Variants in PTPRN2 observed in about 807,000 individuals in gnomAD.
PTPRN2 encodes protein tyrosine phosphatase receptor type N2, also known as receptor-type tyrosine-protein phosphatase N2.
A neutral mutation model predicts 118.8 loss-of-function variants in PTPRN2; 74 were observed. The ratio of observed to expected loss-of-function variants is 0.62; its 90% CI spans 0.52 to 0.76. The LOEUF is 0.76. Ranked by LOEUF, PTPRN2 falls within the 30% of genes least tolerant of loss-of-function variation. The pLI, the probability that PTPRN2 is intolerant of heterozygous loss-of-function variation, is 0.00. For missense variants in PTPRN2, 1,481 were observed against 1,394.4 expected, an observed-to-expected ratio of 1.06 and a Z score of -0.99; for synonymous variants, 641 against 608.0, an observed-to-expected ratio of 1.05 and a Z score of -0.80.
chr7:157,595,550 A>G (rs1801266235), intron 16 of PTPRN2, among the ~76,000 whole-genome samples: 1 of 114,392 alleles, frequency 8.7e-6, no homozygotes, highest in Non-Finnish European at 1.8e-5. Flanking sequence ...CCAGGAGGTT[A>G]GGAAGCCTGG....
intron 22 of PTPRN2, 143 bp downstream of exon 22, chr7:157,548,802 GC>G: frequency 2.5e-6 from 2 of 809,740 alleles, no homozygotes; most frequent in Non-Finnish European, 2.0e-6. Context: ...CCCATGCAAG[GC>G]CGGCATGGAC....
intron 12 of PTPRN2, among the ~76,000 whole-genome samples, chr7:157,705,636 G>A (rs761170093): frequency 3.3e-5 from 5 of 151,552 alleles, no homozygotes; most frequent in Non-Finnish European, 5.9e-5. Context: ...TGACCTCAGT[G>A]CCTTCCAGAT....
intron 15 of PTPRN2, chr7:157,614,239 C>A: frequency 2.4e-6 from 1 of 414,316 alleles, no homozygotes; most frequent in Non-Finnish European, 5.0e-6. Context: ...GCAGAGCAGG[C>A]TGGTCATGTT....
intron 2 of PTPRN2, among the ~76,000 whole-genome samples, chr7:158,370,898 C>T (rs977063297): frequency 1.3e-5 from 2 of 152,166 alleles, no homozygotes; most frequent in Non-Finnish European, 2.9e-5. Context: ...AAATACCACA[C>T]AAAATTAACA....
intron 11 of PTPRN2, among the ~76,000 whole-genome samples, chr7:157,999,524 A>T (rs1365462559): frequency 1.3e-5 from 2 of 152,162 alleles, no homozygotes; most frequent in African/African-American, 2.4e-5. Context: ...GGCAGGGGAA[A>T]GCTTGGCCTG....
At position 158,411,104 on chromosome 7, in the gene PTPRN2, C is replaced by G. The variant is rs146683711; in HGVS notation, c.163+78631G>C. Among the ~76,000 whole-genome samples, 426 of 152,194 alleles carry G rather than the reference C, an allele frequency of 2.8e-3. 1 individual carries two copies. The highest frequency in any genetic ancestry group is 3.8e-3 in the Non-Finnish European group (261 of 67,994). On this transcript the variant is annotated intron_variant, in intron 2 of 22. Coordinates refer to ENST00000389418, the MANE Select transcript of PTPRN2 (RefSeq NM_002847.5). The stretch of plus-strand genomic sequence containing the variant: ...CAGCCTTATTTTCACTCCTGCAGCT[C>G]CCGAGAGGAGGCCTCGCTCTTCCAC...
At chr7:158,519,144 C>T (rs1314109628) in intron 1 of PTPRN2, among the ~76,000 whole-genome samples, 2 of 152,114 alleles carry the variant, frequency 1.3e-5, no homozygotes, top group South Asian at 2.1e-4. Flanking sequence ...AGTACACAGG[C>T]GTCGTCACTG....
At chr7:157,589,560 C>T (rs999357158) in intron 17 of PTPRN2, among the ~76,000 whole-genome samples, 4 of 152,226 alleles carry the variant, frequency 2.6e-5, no homozygotes, top group Admixed American at 6.5e-5. Context: ...TCCTGATATT[C>T]AGCCTCCTCC....
intron 12 of PTPRN2, among the ~76,000 whole-genome samples, chr7:157,703,309 T>C (rs1416705031): frequency 6.6e-6 from 1 of 152,180 alleles, no homozygotes; most frequent in Non-Finnish European, 1.5e-5. Context: ...GGATGTCTGC[T>C]GCCAGGTGGT....
intron 21 of PTPRN2, among the ~76,000 whole-genome samples, chr7:157,555,103 C>T (rs558045353): frequency 2.9e-4 from 44 of 151,762 alleles, no homozygotes; most frequent in African/African-American, 9.5e-4. Context: ...GAGGCAGCCA[C>T]AGACACCAGG....
At chr7:158,308,274 G>C (rs1801445969) in intron 3 of PTPRN2, among the ~76,000 whole-genome samples, 2 of 152,072 alleles carry the variant, frequency 1.3e-5, no homozygotes, top group African/African-American at 4.8e-5. Flanking sequence ...CAAAACTAAA[G>C]GAGAAATCAA....
chr7:158,188,065 G>A (rs1394695462), intron 5 of PTPRN2, among the ~76,000 whole-genome samples: 13 of 151,748 alleles, frequency 8.6e-5, no homozygotes, highest in Admixed American at 5.2e-4. Context: ...CGGCAGGGTC[G>A]CAACCCAAGA....
At chr7:158,364,742 A>G (rs1283650452) in intron 2 of PTPRN2, among the ~76,000 whole-genome samples, 6 of 152,108 alleles carry the variant, frequency 3.9e-5, no homozygotes, top group Non-Finnish European at 1.5e-5. Context: ...GGCATCGTCT[A>G]TAGCCGGGGC....
intron 22 of PTPRN2, among the ~76,000 whole-genome samples, chr7:157,542,813 G>C (rs548958311): frequency 6.6e-6 from 1 of 152,252 alleles, no homozygotes; most frequent in South Asian, 2.1e-4. Flanking sequence ...CTTACTCAGA[G>C]CCCACTGGGC....
At chr7:158,385,763 A>G (rs756863850) in intron 2 of PTPRN2, among the ~76,000 whole-genome samples, 3 of 152,194 alleles carry the variant, frequency 2.0e-5, no homozygotes, top group Non-Finnish European at 2.9e-5. Flanking sequence ...CACAGTCTCC[A>G]GGAAGAAGAT....
chr7:158,541,358 C>T, intron 1 of PTPRN2: 1 of 1,185,230 alleles, frequency 8.4e-7, no homozygotes, highest in Non-Finnish European at 1.1e-6. Flanking sequence ...GCCCTACAAA[C>T]CTAACTTGTT....
Position 158,143,082 on chromosome 7 carries a change from G to A in PTPRN2, c.911-4567C>T, listed in dbSNP as rs150094352. Among the ~76,000 whole-genome samples the A allele has an allele frequency of 5.7e-3, 864 of 152,158 alleles. 8 individuals are homozygous for A. Among genetic ancestry groups the A allele is most frequent in the African/African-American group, 0.02 (817 of 41,516 alleles). ...TTCACTGCAGTCTCCTCCCACCACA[G>A]ATCTTTTTCTTTCCCAGCGATTATC... On this transcript the variant is annotated intron_variant, in intron 6 of 22. Transcript: ENST00000389418.
At chr7:158,485,301 T>C (rs1156426925) in intron 2 of PTPRN2, among the ~76,000 whole-genome samples, 2 of 151,938 alleles carry the variant, frequency 1.3e-5, no homozygotes, top group Non-Finnish European at 2.9e-5. Context: ...TCCAGCGCTA[T>C]GGTGTGGTCG....
intron 6 of PTPRN2, among the ~76,000 whole-genome samples, chr7:158,139,100 G>A (rs1347309862): frequency 6.6e-6 from 1 of 152,164 alleles, no homozygotes; most frequent in Non-Finnish European, 1.5e-5. Flanking sequence ...AAAGGAAGGT[G>A]GCAGGGTCTA....
Sources: gnomAD v4.1 joint callset for allele counts (sites outside exome capture counted in the v4.1 genomes callset) on GRCh38, gnomAD v4.1.1 for gene constraint, MANE v1.5 for transcripts, NCBI Gene and HGNC (gene_info 2026-07-23, HGNC 2026-07-21) for gene names.